The following MTX2 variants were observed in gnomAD, a reference collection of about 807,000 sequenced individuals.
MTX2 encodes metaxin-2.
A neutral mutation model predicts 42.3 loss-of-function variants in MTX2; 35 were observed. The observed-to-expected ratio is 0.83, with a 90% CI of 0.63 to 1.10. The LOEUF is 1.10. Among genes scored for constraint, MTX2 ranks in the 50% least tolerant of loss-of-function variants. The pLI is 0.00. For missense variants in MTX2, 307 were observed against 304.1 expected (o/e 1.01, Z -0.07); for synonymous variants, 119 against 100.9 (o/e 1.18, Z -1.08).
chr2:176,317,053 A>AG (rs1684463191), intron 3 of MTX2, among the ~76,000 whole-genome samples: 1 of 147,934 alleles, frequency 6.8e-6, no homozygotes, highest in Non-Finnish European at 1.5e-5. Context: ...AAAAAAAAAC[A>AG]AAAACTTTTA....
chr2:176,318,756 CT>C (rs1684505537), intron 3 of MTX2, among the ~76,000 whole-genome samples: 1 of 152,116 alleles, frequency 6.6e-6, no homozygotes, highest in Non-Finnish European at 1.5e-5. Flanking sequence ...CTAAGGTCTC[CT>C]TTATGTACTG....
At chr2:176,307,805 C>A (rs1010486946) in intron 3 of MTX2, among the ~76,000 whole-genome samples, 1 of 152,072 alleles carries the variant, frequency 6.6e-6, no homozygotes, top group African/African-American at 2.4e-5. Context: ...TGGGCTGAGA[C>A]GATGGGGTTT....
At chr2:176,281,658 A>G (rs1471289574) in intron 1 of MTX2, among the ~76,000 whole-genome samples, 1 of 152,200 alleles carries the variant, frequency 6.6e-6, no homozygotes, top group African/African-American at 2.4e-5. Flanking sequence ...TTGTGGACGT[A>G]TTTAAGACAT....
intron 3 of MTX2, among the ~76,000 whole-genome samples, chr2:176,319,092 A>G (rs1255941448): frequency 6.6e-6 from 1 of 152,236 alleles, no homozygotes; most frequent in Non-Finnish European, 1.5e-5. Flanking sequence ...TTAGTTTGGA[A>G]TAAAGTATTC....
At chr2:176,307,035 T>C (rs1043964050) in intron 3 of MTX2, among the ~76,000 whole-genome samples, 2 of 152,200 alleles carry the variant, frequency 1.3e-5, no homozygotes, top group Admixed American at 6.5e-5. Flanking sequence ...TTTTTTATGG[T>C]TTTAGGTCTA....
At chr2:176,291,809 G>A (rs1396691004) in intron 1 of MTX2, among the ~76,000 whole-genome samples, 2 of 152,070 alleles carry the variant, frequency 1.3e-5, no homozygotes, top group Admixed American at 6.6e-5. Context: ...ACCATAGGAG[G>A]ATAAAATTGT....
intron 3 of MTX2, among the ~76,000 whole-genome samples, chr2:176,315,224 A>G (rs1304465648): frequency 1.3e-5 from 2 of 152,198 alleles, no homozygotes; most frequent in African/African-American, 2.4e-5. Flanking sequence ...AGAGACAACA[A>G]TCTAAAGACA....
chr2:176,293,913 A>C (rs955310273), intron 1 of MTX2, among the ~76,000 whole-genome samples: 1 of 152,198 alleles, frequency 6.6e-6, no homozygotes, highest in African/African-American at 2.4e-5. Flanking sequence ...TGTCTACTGC[A>C]TGATAAACTG....
chr2:176,311,165 C>G lies in MTX2; in HGVS notation c.136-12227C>G, dbSNP rs537153591. 1.4e-4 allele frequency among the ~76,000 whole-genome samples: 22 copies of G among 152,254 alleles called. No homozygotes were observed. In the East Asian group the frequency reaches 4.2e-3, roughly 29 times the overall value. ...TTCTAACAGCCAGGTCCCTCAGCTGCAGGTCTGTTGGAGTTTGCTGGAGGT... is the reference window on the plus strand; with the variant it reads ...TTCTAACAGCCAGGTCCCTCAGCTGGAGGTCTGTTGGAGTTTGCTGGAGGT... On this transcript the variant is annotated intron_variant, in intron 3 of 9. Transcript: ENST00000249442.
chr2:176,289,437 T>C (rs1307230760), intron 1 of MTX2, among the ~76,000 whole-genome samples: 1 of 152,062 alleles, frequency 6.6e-6, no homozygotes, highest in African/African-American at 2.4e-5. Flanking sequence ...ACACTAAATA[T>C]AGAATAATCA....
chr2:176,269,734 G>A (rs1692750253), intron 1 of MTX2, 65 bp downstream of exon 1: 1 of 1,512,544 alleles, frequency 6.6e-7, no homozygotes, highest in Non-Finnish European at 8.8e-7. Flanking sequence ...GTGGGGTACA[G>A]GGCTGGAGCT....
chr2:176,300,951 A>G (rs4893820), intron 3 of MTX2, among the ~76,000 whole-genome samples: 10 of 152,266 alleles, frequency 6.6e-5, no homozygotes, highest in Admixed American at 5.2e-4. Context: ...CACGTATTCA[A>G]TGTTAGTAAG....
chr2:176,278,460 G>T (rs1483013868), intron 1 of MTX2, among the ~76,000 whole-genome samples: 1 of 152,076 alleles, frequency 6.6e-6, no homozygotes, highest in Non-Finnish European at 1.5e-5. Context: ...GCTGTAATAT[G>T]AGTTTTAATT....
At chr2:176,319,806 G>GCTTGTGATCCACCTGCCTTGGCCTCCCA (rs1684533693) in intron 3 of MTX2, among the ~76,000 whole-genome samples, 1 of 151,910 alleles carries the variant, frequency 6.6e-6, no homozygotes, top group South Asian at 2.1e-4. Flanking sequence ...AAACTCCTGA[G>GCTTGTGATCCACCTGCCTTGGCCTCCCA]CTTGTGATCC....
intron 5 of MTX2, 86 bp downstream of exon 5, chr2:176,326,987 A>G: frequency 1.3e-6 from 1 of 751,858 alleles, no homozygotes; most frequent in African/African-American, 1.8e-5. Flanking sequence ...ATTGATTTCA[A>G]CCTAGTTTTA....
At position 176,269,662 on chromosome 2, in the gene MTX2, G is replaced by T; in HGVS notation, c.33G>T (p.Gln11His). The T allele has an allele frequency of 6.3e-7, 1 of 1,597,784 alleles. No homozygotes were observed. Among genetic ancestry groups the T allele is most frequent in the Non-Finnish European group, 8.5e-7 (1 of 1,174,894 alleles). The change falls in exon 1 of 10, where the codon CAG becomes CAT. Residue 11 changes from glutamine to histidine, a missense_variant. Physicochemically the swap from Gln to His is conservative, Grantham distance 24. Transcript: ENST00000249442. ...TAGTGGCGGAAGCCTTCGTCTCCCA[G>T]ATTGCAGGTAGCGCGGCTGGCCGCA... Reference protein sequence around the residue: MSLVAEAFVSQIAAAEPWPEN... With the variant: MSLVAEAFVSHIAAAEPWPEN...
Position 176,274,395 on chromosome 2 carries a change from ACAT to A in MTX2, c.40+4733_40+4735del, listed in dbSNP as rs1245180299. 4.6e-5 allele frequency among the ~76,000 whole-genome samples: 7 copies of A among 152,332 alleles called. No homozygotes were observed. The South Asian group carries it at 1.0e-3, about 23-fold the overall frequency. On this transcript the variant is annotated intron_variant, in intron 1 of 9. Transcript: ENST00000249442. Reference sequence around the variant, plus strand: ...TTTTCATGTCTGTGAATGGAATTACACATCATCATTTTAAAATGGTTATGTAGT... The same window carrying A: ...TTTTCATGTCTGTGAATGGAATTACACATCATTTTAAAATGGTTATGTAGT...
chr2:176,273,028 T>C (rs1469067110), intron 1 of MTX2, among the ~76,000 whole-genome samples: 2 of 152,162 alleles, frequency 1.3e-5, no homozygotes, highest in African/African-American at 4.8e-5. Flanking sequence ...AGCTTCAAGG[T>C]GCCGGTATCT....
At chr2:176,318,744 T>G (rs1457334047) in intron 3 of MTX2, among the ~76,000 whole-genome samples, 1 of 152,244 alleles carries the variant, frequency 6.6e-6, no homozygotes, top group Non-Finnish European at 1.5e-5. Context: ...CAGCCTCTCT[T>G]GCTAAGGTCT....
Sources: allele counts gnomAD v4.1 joint callset (sites outside exome capture counted in the v4.1 genomes callset), GRCh38; gene constraint gnomAD v4.1.1; transcripts MANE v1.5; gene names NCBI Gene and HGNC (gene_info 2026-07-23, HGNC 2026-07-21).